RBBP4: variants seen among roughly 807,000 people sequenced by gnomAD.
The protein encoded by RBBP4 is RB binding protein 4, chromatin remodeling factor, also known as histone-binding protein RBBP4.
In RBBP4, 3 loss-of-function variants were observed where a neutral mutation model predicts 57.2. The ratio of observed to expected loss-of-function variants is 0.05; its 90% CI spans 0.02 to 0.14. The LOEUF is 0.14. Among genes scored for constraint, RBBP4 ranks in the 10% least tolerant of loss-of-function variants. The probability of loss-of-function intolerance (pLI) is 1.00; values close to 1 mark genes in which losing one functional copy is unlikely to be tolerated. For missense variants in RBBP4, 107 were observed against 520.6 expected, an observed-to-expected ratio of 0.21 and a Z score of 7.73; for synonymous variants, 151 against 171.5, an observed-to-expected ratio of 0.88 and a Z score of 0.93.
chr1:32,653,752 G>A (rs568860538), intron 2 of RBBP4, among the ~76,000 whole-genome samples: 31 of 138,664 alleles, frequency 2.2e-4, no homozygotes, highest in South Asian at 1.7e-3. Context: ...TCCGCCTCCC[G>A]GGTTCACGCC....
intron 3 of RBBP4, 58 bp downstream of exon 3, chr1:32,657,630 C>T: frequency 6.5e-7 from 1 of 1,530,880 alleles, no homozygotes; most frequent in East Asian, 2.3e-5. Flanking sequence ...GTTATGTGCA[C>T]TTTGATAAAG....
intron 3 of RBBP4, among the ~76,000 whole-genome samples, chr1:32,657,855 C>T (rs1235021947): frequency 1.3e-5 from 2 of 151,848 alleles, no homozygotes; most frequent in Non-Finnish European, 2.9e-5. Context: ...GCTGTACATT[C>T]TTGATTTTTT....
intron 8 of RBBP4, among the ~76,000 whole-genome samples, chr1:32,671,308 G>A (rs1275737159): frequency 1.3e-5 from 2 of 152,156 alleles, no homozygotes; most frequent in African/African-American, 4.8e-5. Flanking sequence ...ATGTAGGCCG[G>A]GCACGATGGC....
intron 8 of RBBP4, among the ~76,000 whole-genome samples, chr1:32,671,745 T>C (rs1370097058): frequency 7.9e-5 from 12 of 151,618 alleles, no homozygotes; most frequent in Non-Finnish European, 1.6e-4. Flanking sequence ...ATACAAAAAT[T>C]AGCTGGCCGT....
intron 11 of RBBP4, among the ~76,000 whole-genome samples, chr1:32,675,540 C>T (rs1649062828): frequency 2.6e-5 from 4 of 151,480 alleles, no homozygotes; most frequent in African/African-American, 7.3e-5. Context: ...GAGGCCGAGG[C>T]GGGTGGATCA....
chr1:32,659,212 A>G (rs1648294433), intron 3 of RBBP4, among the ~76,000 whole-genome samples: 1 of 150,804 alleles, frequency 6.6e-6, no homozygotes, highest in African/African-American at 2.4e-5. Flanking sequence ...GTGGTTTTAC[A>G]TATATATGTA....
intron 3 of RBBP4, among the ~76,000 whole-genome samples, chr1:32,658,935 TTATA>T (rs202121623): frequency 0.058 from 532 of 9,166 alleles, 5 homozygotes; most frequent in East Asian, 0.46. Context: ...AATGTTATAT[TTATA>T]TATAAACATA....
In RBBP4 at chr1:32,669,462, TCTTG is replaced by T; in HGVS notation, c.889-20_889-17del. On this transcript the variant is annotated intron_variant, in intron 7 of 11. Transcript: ENST00000373493. This position sits in a 1 kb window ranked among gnomAD's most constrained non-coding sequence, Gnocchi z 4.9. ...TTTTTTTTCTTAAAAAATTGATTAC[TCTTG>T]CTTTTCTTTTTGTACATAGACTGTT... The T allele has an allele frequency of 6.3e-7, 1 of 1,575,142 alleles. No individual in the cohort carries two copies.
chr1:32,654,700 T>A (rs1196703874), intron 2 of RBBP4, among the ~76,000 whole-genome samples: 1 of 152,196 alleles, frequency 6.6e-6, no homozygotes. Context: ...GTTGTTGTTG[T>A]TTTGAGACGG....
At chr1:32,676,349 A>G (rs1229167542) in intron 11 of RBBP4, among the ~76,000 whole-genome samples, 1 of 152,014 alleles carries the variant, frequency 6.6e-6, no homozygotes, top group African/African-American at 2.4e-5. Flanking sequence ...TCACGCCTGT[A>G]ATTCCAACAC....
chr1:32,654,932 TA>T (rs567439297), intron 2 of RBBP4, among the ~76,000 whole-genome samples: 72 of 152,266 alleles, frequency 4.7e-4, no homozygotes, highest in African/African-American at 1.4e-3. Flanking sequence ...TGACCTCAGG[TA>T]ATCCACCCGC....
chr1:32,657,556 C>T lies in RBBP4; in HGVS notation c.294C>T (p.Tyr98=), dbSNP rs202117984. 16 of 1,613,504 alleles carry T rather than the reference C, an allele frequency of 9.9e-6. No individual in the cohort carries two copies. The highest frequency in any genetic ancestry group is 2.2e-5 in the East Asian group (1 of 44,864). The change falls in exon 3 of 12, where the codon TAC becomes TAT. Residue 98 remains tyrosine, a synonymous_variant. Coordinates refer to ENST00000373493, the MANE Select transcript of RBBP4 (RefSeq NM_005610.3). ...ATGCTCAGTTTGATGCGTCACACTA[C>T]GACAGTGAGAAAGGAGGTAGGAATC... The part of the protein sequence containing the change: ...NDDAQFDASH[Y]DSEKGEFGGF...
At chr1:32,657,752 A>G (rs1427843078) in intron 3 of RBBP4, 180 bp downstream of exon 3, 7 of 658,120 alleles carry the variant, frequency 1.1e-5, no homozygotes, top group Non-Finnish European at 1.7e-5. Context: ...TACTTAACAC[A>G]TCCTTGGTTC....
At chr1:32,657,759 G>T in intron 3 of RBBP4, 187 bp downstream of exon 3, 1 of 585,578 alleles carries the variant, frequency 1.7e-6, no homozygotes, top group Non-Finnish European at 2.7e-6. Context: ...CACATCCTTG[G>T]TTCTGTACCT....
At chr1:32,675,296 A>G (rs1240980422) in intron 11 of RBBP4, among the ~76,000 whole-genome samples, 3 of 151,264 alleles carry the variant, frequency 2.0e-5, no homozygotes, top group Admixed American at 6.6e-5. Context: ...TCGGCCTCCC[A>G]AAGTGCTGGA....
intron 2 of RBBP4, 143 bp from the exon 3 acceptor site, chr1:32,657,280 AAAAG>A (rs1303298842): frequency 7.3e-5 from 56 of 772,384 alleles, no homozygotes; most frequent in Middle Eastern, 7.9e-4. Context: ...TATTTATAAA[AAAAG>A]AAAGAAAGAA....
intron 3 of RBBP4, among the ~76,000 whole-genome samples, chr1:32,664,645 G>T (rs1217166821): frequency 6.6e-6 from 1 of 151,978 alleles, no homozygotes; most frequent in East Asian, 1.9e-4. Flanking sequence ...TAGAGATGAG[G>T]TTTCACCATA....
chr1:32,666,979 C>T lies in RBBP4; in HGVS notation c.311-1246C>T, dbSNP rs142582848. On this transcript the variant is annotated intron_variant, in intron 3 of 11. Coordinates refer to ENST00000373493, the MANE Select transcript of RBBP4 (RefSeq NM_005610.3). ...CAAGAGGTGAGCCCTCTGTCACGCC[C>T]GCATAAGGGCCACTTGAGGGCTCCT... Among the ~76,000 whole-genome samples the T allele has an allele frequency of 4.7e-4, 71 of 152,322 alleles. No homozygotes were observed. The East Asian group carries it at 0.01, about 22-fold the overall frequency.
chr1:32,673,837 G>C (rs1648979789), intron 11 of RBBP4, among the ~76,000 whole-genome samples: 1 of 152,034 alleles, frequency 6.6e-6, no homozygotes, highest in Non-Finnish European at 1.5e-5. Context: ...GTTGGCTCAC[G>C]CCTGTAATCC....
Sources: gnomAD v4.1 joint callset for allele counts (sites outside exome capture counted in the v4.1 genomes callset) on GRCh38, gnomAD v4.1.1 for gene constraint, Gnocchi (gnomAD v3.1) non-coding constraint, MANE v1.5 for transcripts, NCBI Gene and HGNC (gene_info 2026-07-23, HGNC 2026-07-21) for gene names.